The following STK38L variants were observed in gnomAD, a reference collection of about 807,000 sequenced individuals.
STK38L encodes serine/threonine-protein kinase 38-like.
Under a neutral mutation model 59.7 loss-of-function variants are expected in STK38L, and 28 were observed. That is an observed-to-expected ratio of 0.47 (90% confidence interval 0.35 to 0.64). The LOEUF is 0.64. Among genes scored for constraint, STK38L ranks in the 30% least tolerant of loss-of-function variants. STK38L has a pLI of 0.01. For missense variants in STK38L, 314 were observed against 555.8 expected (o/e 0.56, Z 4.37); for synonymous variants, 162 against 176.8 (o/e 0.92, Z 0.66).
chr12:27,286,017 A>T lies in STK38L; in HGVS notation c.-11-11693A>T, dbSNP rs888426745. On this transcript the variant is annotated intron_variant, in intron 1 of 13. Coordinates refer to ENST00000389032, the MANE Select transcript of STK38L (RefSeq NM_015000.4). ...CCCAGGTAGGTATAAGCCACCAAAA[A>T]ACTGTTGCCCTAAAAGCTCAAGATA... Among the ~76,000 whole-genome samples the T allele has an allele frequency of 2.6e-5, 4 of 152,306 alleles. No individual in the cohort carries two copies. In the East Asian group the frequency reaches 7.7e-4, roughly 29 times the overall value.
chr12:27,306,752 C>CACACACACACACACACACAT (rs1491536388), intron 3 of STK38L, among the ~76,000 whole-genome samples: 2 of 139,636 alleles, frequency 1.4e-5, no homozygotes, highest in Non-Finnish European at 3.2e-5. Flanking sequence ...CACACACACA[C>CACACACACACACACACACAT]ATATATTTGA....
At chr12:27,298,945 A>G (rs1944097468) in intron 2 of STK38L, among the ~76,000 whole-genome samples, 1 of 152,232 alleles carries the variant, frequency 6.6e-6, no homozygotes, top group Non-Finnish European at 1.5e-5. Flanking sequence ...TTCTCTAGAA[A>G]GGAACTTTAG....
intron 1 of STK38L, chr12:27,293,605 C>A (rs1225000470): frequency 1.8e-5 from 1 of 56,310 alleles, no homozygotes; most frequent in Non-Finnish European, 4.4e-5. Flanking sequence ...GAGGGCCAGA[C>A]CTTGCCGCTT....
intron 1 of STK38L, among the ~76,000 whole-genome samples, chr12:27,262,656 G>A (rs1336560650): frequency 1.3e-5 from 2 of 148,996 alleles, no homozygotes; most frequent in Non-Finnish European, 3.0e-5. Flanking sequence ...AGTGAGCTAT[G>A]ATGGCACCAC....
chr12:27,257,471 T>C (rs960218992), intron 1 of STK38L, among the ~76,000 whole-genome samples: 1 of 152,206 alleles, frequency 6.6e-6, no homozygotes, highest in African/African-American at 2.4e-5. Flanking sequence ...TCAGCTTTCT[T>C]AATTCACATT....
At chr12:27,290,859 G>T (rs757994413) in intron 1 of STK38L, among the ~76,000 whole-genome samples, 7 of 152,156 alleles carry the variant, frequency 4.6e-5, no homozygotes, top group Non-Finnish European at 1.0e-4. Context: ...GGATTTTCAT[G>T]TGAAACCTTC....
chr12:27,290,144 GTCC>G (rs1334713334), intron 1 of STK38L, among the ~76,000 whole-genome samples: 2 of 152,168 alleles, frequency 1.3e-5, no homozygotes, highest in African/African-American at 4.8e-5. Context: ...ACGTATCTCA[GTCC>G]TTTTACAAGT....
chr12:27,270,167 C>G (rs1943393935), intron 1 of STK38L, among the ~76,000 whole-genome samples: 1 of 152,098 alleles, frequency 6.6e-6, no homozygotes, highest in African/African-American at 2.4e-5. Context: ...TTAGGAGCTA[C>G]CTGAAATCTG....
chr12:27,290,733 G>T (rs1236022943), intron 1 of STK38L, among the ~76,000 whole-genome samples: 1 of 152,194 alleles, frequency 6.6e-6, no homozygotes, highest in Non-Finnish European at 1.5e-5. Flanking sequence ...AGAGTTGGTG[G>T]ACGGGTGGGA....
chr12:27,294,623 C>T (rs1016921211), intron 1 of STK38L, among the ~76,000 whole-genome samples: 6 of 151,944 alleles, frequency 3.9e-5, no homozygotes, highest in South Asian at 4.2e-4. Context: ...TCCTTCCTCT[C>T]CCATCCCAAG....
rs371435415 is a variant in STK38L, at chr12:27,322,413, A to G, written c.1353A>G (p.Gln451=). 1.8e-4 allele frequency: 294 copies of G among 1,613,920 alleles called. No homozygotes were observed. Among genetic ancestry groups the G allele is most frequent in the African/African-American group, 3.2e-4 (24 of 74,928 alleles). The stretch of plus-strand genomic sequence containing the variant: ...ATAAAAGGTTTGAAGGGTTGACTCA[A>G]CGTGGCTCTATCCCCACCTACATGA... ...YTYKRFEGLT[Q]RGSIPTYMKA... is the part of the protein sequence containing the mutation. Residue 451 remains glutamine (Q), a synonymous_variant, in exon 14 of 14, where the codon CAA becomes CAG. Coordinates refer to ENST00000389032, the MANE Select transcript of STK38L (RefSeq NM_015000.4).
At position 27,296,822 on chromosome 12, in the gene STK38L, G is replaced by A. The variant is rs974761549; in HGVS notation, c.-11-888G>A. Among the ~76,000 whole-genome samples, 12 of 152,286 alleles carry A rather than the reference G, an allele frequency of 7.9e-5. No individual in the cohort carries two copies. The South Asian group carries it at 1.4e-3, about 18-fold the overall frequency. On this transcript the variant is annotated intron_variant, in intron 1 of 13. Coordinates refer to ENST00000389032, the MANE Select transcript of STK38L (RefSeq NM_015000.4). ...GCCATCGGAGTTCAGTCTTCCCCCC[G>A]TCAAGTGGCCATTTTGCCACACTCC...
At chr12:27,275,319 T>C (rs544872456) in intron 1 of STK38L, among the ~76,000 whole-genome samples, 3 of 151,820 alleles carry the variant, frequency 2.0e-5, no homozygotes, top group African/African-American at 7.2e-5. Flanking sequence ...TTTATATGTC[T>C]GTCTTCCATG....
At position 27,323,404 on chromosome 12, in the gene STK38L, G is replaced by T. The variant is rs774449973; in HGVS notation, c.*949G>T. The T allele has an allele frequency of 3.3e-5, 5 of 152,512 alleles. No individual in the cohort carries two copies. Among genetic ancestry groups the T allele is most frequent in the Admixed American group, 6.5e-5 (1 of 15,272 alleles). 9.4% of individuals were successfully genotyped at this position (152,512 alleles called of 1,614,324 possible). A position where few individuals can be genotyped will look rare whatever the true frequency, so the allele number is the denominator to read the frequency against. Reference sequence around the variant, plus strand: ...CTTCTATCATGTAAATGGACTTATAGAGAACAAAAAGCTATTTACTTTGGT... The same window carrying T: ...CTTCTATCATGTAAATGGACTTATATAGAACAAAAAGCTATTTACTTTGGT... On this transcript the variant is annotated 3_prime_UTR_variant, in exon 14 of 14. Coordinates refer to ENST00000389032, the MANE Select transcript of STK38L (RefSeq NM_015000.4).
Position 27,312,657 on chromosome 12 carries a change from GA to G in STK38L, c.504del (p.Glu168AspfsTer8). 6.2e-7 allele frequency: 1 copy of G among 1,613,920 alleles called. No homozygotes were observed. The highest frequency in any genetic ancestry group is 8.5e-7 in the Non-Finnish European group (1 of 1,179,962). On this transcript the variant is annotated frameshift_variant, in exon 6 of 14. Coordinates refer to ENST00000389032, the MANE Select transcript of STK38L (RefSeq NM_015000.4). LOFTEE classifies it high-confidence loss of function. ...TAAGAGGAATCTTTATCTAATCATG[GA>G]ATTTCTCCCTGGAGGTAAAAGCAAA... is the stretch of plus-strand genomic sequence containing the variant. ...QDKRNLYLIM[E>X]FLPGGDMMTL...
At chr12:27,268,315 G>A (rs1272147331) in intron 1 of STK38L, among the ~76,000 whole-genome samples, 1 of 150,848 alleles carries the variant, frequency 6.6e-6, no homozygotes, top group Non-Finnish European at 1.5e-5. Context: ...TCCCCGTCCT[G>A]TGTCCATGTG....
At chr12:27,283,901 G>C (rs919173770) in intron 1 of STK38L, among the ~76,000 whole-genome samples, 2 of 152,064 alleles carry the variant, frequency 1.3e-5, no homozygotes, top group Non-Finnish European at 2.9e-5. Flanking sequence ...CTAACTTTGG[G>C]GCGCACAGCT....
At chr12:27,316,093 AT>A (rs1397773243) in intron 9 of STK38L, among the ~76,000 whole-genome samples, 5 of 152,220 alleles carry the variant, frequency 3.3e-5, no homozygotes, top group African/African-American at 1.2e-4. Flanking sequence ...AGGAAAACTA[AT>A]TCAGCATTCC....
intron 1 of STK38L, among the ~76,000 whole-genome samples, chr12:27,259,577 A>G (rs775857993): frequency 2.0e-5 from 3 of 152,176 alleles, no homozygotes; most frequent in Non-Finnish European, 4.4e-5. Flanking sequence ...GTCTTTGTAA[A>G]CTGTGAGGGG....
Sources: gnomAD v4.1 joint callset for allele counts (sites outside exome capture counted in the v4.1 genomes callset) on GRCh38, gnomAD v4.1.1 for gene constraint, MANE v1.5 for transcripts, NCBI Gene and HGNC (gene_info 2026-07-23, HGNC 2026-07-21) for gene names.